Variants in DHX34 observed in about 807,000 individuals in gnomAD.
DHX34 encodes DExH-box helicase 34.
Under a neutral mutation model 111.1 loss-of-function variants are expected in DHX34, and 96 were observed. That is an observed-to-expected ratio of 0.86 (90% CI 0.73 to 1.02). The LOEUF (loss-of-function observed/expected upper bound fraction) is 1.02. Ranked by LOEUF, DHX34 falls within the 50% of genes least tolerant of loss-of-function variation. The pLI is 0.00. For missense variants in DHX34, 1,560 were observed against 1,579.9 expected, an observed-to-expected ratio of 0.99 and a Z score of 0.21; for synonymous variants, 688 against 670.4, an observed-to-expected ratio of 1.03 and a Z score of -0.41.
chr19:47,375,341 C>A, intron 9 of DHX34, 125 bp from the exon 10 acceptor site: 1 of 1,425,290 alleles, frequency 7.0e-7, no homozygotes, highest in Non-Finnish European at 9.1e-7. Context: ...CAGCACCATG[C>A]GAGGGGCTGT....
At chr19:47,360,702 G>A (rs1397902717) in intron 5 of DHX34, among the ~76,000 whole-genome samples, 2 of 151,632 alleles carry the variant, frequency 1.3e-5, no homozygotes, top group African/African-American at 4.9e-5. Context: ...TGTTGTTGTT[G>A]TTTTGAGACG....
intron 5 of DHX34, 40 bp downstream of exon 5, chr19:47,360,110 A>C: frequency 6.3e-7 from 1 of 1,595,306 alleles, no homozygotes; most frequent in Non-Finnish European, 8.6e-7. Flanking sequence ...ACCCCCAAGG[A>C]CTTAGGAGCA....
At chr19:47,374,872 C>A (rs1317274059) in intron 9 of DHX34, among the ~76,000 whole-genome samples, 1 of 152,198 alleles carries the variant, frequency 6.6e-6, no homozygotes. Context: ...TCTCCTGTGT[C>A]CTCCATCGGT....
At chr19:47,367,343 C>G (rs1175698512) in intron 7 of DHX34, among the ~76,000 whole-genome samples, 188 bp downstream of exon 7, 2 of 152,202 alleles carry the variant, frequency 1.3e-5, no homozygotes, top group East Asian at 3.8e-4. Flanking sequence ...ACACAAATCT[C>G]TGGCCTCAGG....
intron 13 of DHX34, 136 bp from the exon 14 acceptor site, chr19:47,379,574 G>C: frequency 1.1e-5 from 16 of 1,473,348 alleles, no homozygotes; most frequent in Non-Finnish European, 1.3e-5. Context: ...CTGGTACAGC[G>C]GGTAGATGGC....
At chr19:47,349,422 G>A (rs1969216970) in intron 1 of DHX34, 70 bp downstream of exon 1, 1 of 152,450 alleles carries the variant, frequency 6.6e-6, no homozygotes, top group East Asian at 1.9e-4. Context: ...GGCCGCTTGG[G>A]GGTAGTTTGG....
chr19:47,356,589 A>G (rs1403429048), intron 3 of DHX34, among the ~76,000 whole-genome samples: 1 of 151,342 alleles, frequency 6.6e-6, no homozygotes, highest in African/African-American at 2.4e-5. Context: ...AGATGGCTCC[A>G]CTGCACTCCA....
chr19:47,377,503 G>A (rs1056099433), intron 13 of DHX34, among the ~76,000 whole-genome samples: 4 of 152,204 alleles, frequency 2.6e-5, no homozygotes, highest in African/African-American at 9.6e-5. Context: ...AGGGGACAGT[G>A]ACAGCAGTAG....
chr19:47,381,102 G>C (rs146133544), intron 15 of DHX34, 84 bp from the exon 16 acceptor site: 1 of 1,578,732 alleles, frequency 6.3e-7, no homozygotes, highest in Middle Eastern at 1.7e-4. Flanking sequence ...GGCCCTGAGG[G>C]CTTCTGGGAA....
In DHX34 at chr19:47,376,524, C is replaced by T. The variant is rs1158184106; in HGVS notation, c.2563C>T (p.Gln855Ter). The T allele has an allele frequency of 3.2e-6, 5 of 1,584,932 alleles. No homozygotes were observed. The highest frequency in any genetic ancestry group is 4.3e-6 in the Non-Finnish European group (5 of 1,166,194). Residue 855 changes from glutamine to a stop codon, truncating the protein, a stop_gained, in exon 12 of 17, where the codon CAG becomes TAG. Transcript: ENST00000328771. LOFTEE classifies it high-confidence loss of function. ...TGGCAGCCCCGAGGTGCTGCACGCA[C>T]AGGAGCTGGAGGCCAGCAACTGCGA... Reference protein sequence around the residue: ...FAGSPEVLHAQELEASNCDGS... With the variant: ...FAGSPEVLHA
rs1356368718 is a variant in DHX34, at chr19:47,352,786, T to G, written c.-245T>G. On this transcript the variant is annotated 5_prime_UTR_variant, in exon 2 of 17. Transcript: ENST00000328771. ...GGCCTGAAAACCCAGAATGAACTTGTGTCCATCCCAGAGATCACTGCAGAT... is the reference window on the plus strand; with the variant it reads ...GGCCTGAAAACCCAGAATGAACTTGGGTCCATCCCAGAGATCACTGCAGAT... The G allele has an allele frequency of 8.4e-6, 5 of 593,636 alleles. No individual in the cohort carries two copies. The highest frequency in any genetic ancestry group is 1.4e-5 in the Non-Finnish European group (5 of 368,046). The allele number at this position is 593,636 out of a possible 1,614,324, so 36.8% of individuals were successfully genotyped here. A position where few individuals can be genotyped will look rare whatever the true frequency, so the allele number is the denominator to read the frequency against.
At chr19:47,367,623 C>T (rs1033713489) in intron 7 of DHX34, among the ~76,000 whole-genome samples, 2 of 152,286 alleles carry the variant, frequency 1.3e-5, no homozygotes. Flanking sequence ...GGCACAGTGG[C>T]CCACACCTGT....
chr19:47,368,298 CTTTTTTTTTTTTTT>C (rs71180827), intron 7 of DHX34, among the ~76,000 whole-genome samples: 1 of 46,022 alleles, frequency 2.2e-5, no homozygotes. Flanking sequence ...TCATTAAATC[CTTTTTTTTTTTTTT>C]TTTTTTTTTT....
At chr19:47,373,215 AGTATATGTCCCTTGAGTCCTCACCC>A (rs778931075) in intron 8 of DHX34, among the ~76,000 whole-genome samples, 116 of 152,338 alleles carry the variant, frequency 7.6e-4, no homozygotes, top group Non-Finnish European at 1.2e-3. Flanking sequence ...CTGGAGATCC[AGTATATGTCCCTTGAGTCCTCACCC>A]TAACCCTGGC....
rs775501030 is a variant in DHX34, at chr19:47,380,980, C to T, written c.3147C>T (p.Tyr1049=). 2 of 1,581,006 alleles carry T rather than the reference C, an allele frequency of 1.3e-6. No homozygotes were observed. The highest frequency in any genetic ancestry group is 1.2e-5 in the South Asian group (1 of 85,808). Reference sequence around the variant, plus strand: ...ACGCAGTCACTGACTTCCTCACCTACAACTGCCTCACGGTAAGCATGAACC... The same window carrying T: ...ACGCAGTCACTGACTTCCTCACCTATAACTGCCTCACGGTAAGCATGAACC... ...GGYAVTDFLT[Y]NCLTNDTDLY... is the part of the protein sequence containing the mutation. Residue 1049 remains tyrosine (Y), a synonymous_variant, in exon 15 of 17, where the codon TAC becomes TAT. Coordinates refer to ENST00000328771, the MANE Select transcript of DHX34 (RefSeq NM_014681.6).
chr19:47,371,663 G>C, intron 7 of DHX34, among the ~76,000 whole-genome samples: 1 of 152,176 alleles, frequency 6.6e-6, no homozygotes, highest in South Asian at 2.1e-4. Context: ...GTAATGGCAA[G>C]ATCTCAGCTC....
chr19:47,375,018 GGCCAACCCCGCCGA>G (rs1970089636), intron 9 of DHX34, among the ~76,000 whole-genome samples: 1 of 152,130 alleles, frequency 6.6e-6, no homozygotes, highest in Non-Finnish European at 1.5e-5. Flanking sequence ...GGGTCCAGAT[GGCCAACCCCGCCGA>G]GCCCCCTCCT....
intron 6 of DHX34, 63 bp downstream of exon 6, chr19:47,362,756 C>T: frequency 1.4e-6 from 2 of 1,400,078 alleles, no homozygotes; most frequent in Non-Finnish European, 1.9e-6. Context: ...ACCTGGGAGG[C>T]CTTTTTTATT....
rs752951624 is a variant in DHX34, at chr19:47,377,174, C to T, written c.2674C>T (p.Leu892=). 6.2e-7 allele frequency: 1 copy of T among 1,613,938 alleles called. No homozygotes were observed. The highest frequency in any genetic ancestry group is 1.1e-5 in the South Asian group (1 of 91,072). ...VSLLETNKPY[L]VNCVRIPALQ... is the part of the protein sequence containing the mutation. The stretch of plus-strand genomic sequence containing the variant: ...CCTGCTGGAGACCAACAAGCCGTAC[C>T]TGGTGAACTGCGTCCGCATCCCTGC... Residue 892 remains leucine (L), a synonymous_variant, in exon 13 of 17, where the codon CTG becomes TTG. Transcript: ENST00000328771.
Sources: allele counts gnomAD v4.1 joint callset (sites outside exome capture counted in the v4.1 genomes callset), GRCh38; gene constraint gnomAD v4.1.1; transcripts MANE v1.5; gene names NCBI Gene and HGNC (gene_info 2026-07-23, HGNC 2026-07-21).